The following NIPBL variants were observed in gnomAD, a reference collection of about 807,000 sequenced individuals.
The protein encoded by NIPBL is nipped-B-like protein.
A neutral mutation model predicts 321.8 loss-of-function variants in NIPBL; 19 were observed. That is an observed-to-expected ratio of 0.06 (90% confidence interval 0.04 to 0.09). The LOEUF (loss-of-function observed/expected upper bound fraction) is 0.09, where lower values mean the gene tolerates loss of function less well. Among genes scored for constraint, NIPBL ranks in the 10% least tolerant of loss-of-function variants. The pLI, the probability that NIPBL is intolerant of heterozygous loss-of-function variation, is 1.00. For missense variants in NIPBL, 2,210 were observed against 3,327.0 expected, an observed-to-expected ratio of 0.66 and a Z score of 8.26; for synonymous variants, 1,106 against 1,114.1, an observed-to-expected ratio of 0.99 and a Z score of 0.14.
chr5:37,004,226 G>A (rs1747155563), intron 16 of NIPBL, among the ~76,000 whole-genome samples: 1 of 152,108 alleles, frequency 6.6e-6, no homozygotes, highest in South Asian at 2.1e-4. Context: ...GCTTGCAATG[G>A]TTTATTAATT....
At chr5:37,046,726 G>A (rs376571664) in intron 38 of NIPBL, among the ~76,000 whole-genome samples, 16 of 152,246 alleles carry the variant, frequency 1.1e-4, no homozygotes, top group Middle Eastern at 3.4e-3. Context: ...AAGGATTGAT[G>A]TAATAAAAAC....
At chr5:37,062,709 C>T (rs1754871790) in intron 45 of NIPBL, among the ~76,000 whole-genome samples, 1 of 152,104 alleles carries the variant, frequency 6.6e-6, no homozygotes, top group African/African-American at 2.4e-5. Context: ...TGCTTGAGTC[C>T]AGGAAGTCCA....
At chr5:37,061,916 A>G (rs1754723567) in intron 45 of NIPBL, among the ~76,000 whole-genome samples, 2 of 152,186 alleles carry the variant, frequency 1.3e-5, no homozygotes, top group African/African-American at 4.8e-5. Flanking sequence ...ATCTCGGCTC[A>G]CCGCAACTTC....
rs745325884 is a variant in NIPBL at position 37,017,172 on chromosome 5, TAA to T, written c.4920+13_4920+14del. On this transcript the variant is annotated intron_variant, in intron 24 of 46. Coordinates refer to ENST00000282516, the MANE Select transcript of NIPBL (RefSeq NM_133433.4). ...ACGCATTTTAAAACAGGTACTAAGA[TAA>T]AAGATTAAAATTATGGGAATGAATA... 1.9e-6 allele frequency: 3 copies of T among 1,601,354 alleles called. No homozygotes were observed. In the African/African-American group the frequency reaches 4.0e-5, roughly 21 times the overall value.
At chr5:36,971,837 T>C (rs1742879530) in intron 7 of NIPBL, 108 bp from the exon 8 acceptor site, 2 of 1,510,638 alleles carry the variant, frequency 1.3e-6, no homozygotes, top group Non-Finnish European at 1.8e-6. Flanking sequence ...GCTTTTGAAT[T>C]CCAACACTTT....
chr5:36,886,421 A>T, intron 1 of NIPBL: 1 of 739,190 alleles, frequency 1.4e-6, no homozygotes, highest in Non-Finnish European at 2.5e-6. Flanking sequence ...CAAACTATCC[A>T]AAAGACCACC....
rs751393105 is a variant in NIPBL, at chr5:36,995,815, C to G, written c.3304+11C>G. The G allele has an allele frequency of 1.9e-6, 3 of 1,601,790 alleles. No individual in the cohort carries two copies. The South Asian group carries it at 3.3e-5, about 18-fold the overall frequency. On this transcript the variant is annotated intron_variant, in intron 11 of 46. Transcript: ENST00000282516. ...ATGAAGCTTTTGAATGTAAGTATCACAGAACTCTTTGTTATTATTTTAGAG... is the reference window on the plus strand; with the variant it reads ...ATGAAGCTTTTGAATGTAAGTATCAGAGAACTCTTTGTTATTATTTTAGAG...
chr5:37,044,039 T>C (rs184526191), intron 34 of NIPBL, among the ~76,000 whole-genome samples: 2 of 152,330 alleles, frequency 1.3e-5, no homozygotes, highest in East Asian at 3.9e-4. Flanking sequence ...GTACCAGTCT[T>C]TGTATAATGC....
Position 37,064,855 on chromosome 5 carries a change from G to A in NIPBL, c.8378G>A (p.Arg2793Gln), listed in dbSNP as rs1375623038. The A allele has an allele frequency of 1.2e-6, 2 of 1,614,104 alleles. No homozygotes were observed. The highest frequency in any genetic ancestry group is 1.1e-5 in the South Asian group (1 of 91,082). ...ACTAATAAAGTTGTTCAGACTTTAC[G>A]ATCCCTGTATGCCGCCAAGGATGGG... ...KLTNKVVQTL[R>Q]SLYAAKDGTS... Residue 2793 changes from arginine (R) to glutamine (Q), a missense_variant, in exon 47 of 47, where the codon CGA becomes CAA. Physicochemically the swap from Arg to Gln is conservative, Grantham distance 43 (BLOSUM62 1). Around this residue, in one of 14 missense-constraint regions of NIPBL, gnomAD observed 159 missense variants for 319.2 expected, o/e 0.50. Transcript: ENST00000282516.
chr5:36,929,651 C>T (rs1403638730), intron 1 of NIPBL, among the ~76,000 whole-genome samples: 1 of 152,018 alleles, frequency 6.6e-6, no homozygotes, highest in Non-Finnish European at 1.5e-5. Flanking sequence ...AGAACTCTGC[C>T]TGACCTAAGG....
intron 36 of NIPBL, 78 bp downstream of exon 36, chr5:37,044,807 A>C: frequency 9.9e-7 from 1 of 1,006,026 alleles, no homozygotes; most frequent in South Asian, 1.3e-5. Flanking sequence ...ACATTTGATA[A>C]AAGGCTAGAC....
intron 32 of NIPBL, among the ~76,000 whole-genome samples, chr5:37,031,083 A>G (rs1750961229): frequency 6.6e-6 from 1 of 152,062 alleles, no homozygotes; most frequent in Non-Finnish European, 1.5e-5. Context: ...TCCTGGGTTC[A>G]AGTGATTCTC....
chr5:37,053,795 A>T (rs150722587), intron 42 of NIPBL, among the ~76,000 whole-genome samples: 1 of 152,246 alleles, frequency 6.6e-6, no homozygotes, highest in Admixed American at 6.5e-5. Flanking sequence ...TGCATCTGCT[A>T]TGTACCAGCC....
intron 45 of NIPBL, among the ~76,000 whole-genome samples, 188 bp downstream of exon 45, chr5:37,061,206 A>G (rs1754629541): frequency 1.3e-5 from 2 of 152,166 alleles, no homozygotes; most frequent in South Asian, 4.1e-4. Context: ...CACCCATGGC[A>G]TCCTAATTAT....
At chr5:36,941,152 G>T (rs1052903581) in intron 1 of NIPBL, among the ~76,000 whole-genome samples, 4 of 152,012 alleles carry the variant, frequency 2.6e-5, no homozygotes, top group Admixed American at 2.0e-4. Flanking sequence ...ATCTCCCAGG[G>T]ATAAGAAAAC....
intron 42 of NIPBL, among the ~76,000 whole-genome samples, chr5:37,053,550 T>TTC (rs374356540): frequency 1.3e-5 from 2 of 152,236 alleles, no homozygotes; most frequent in East Asian, 3.9e-4. Flanking sequence ...GATCTTGCTT[T>TTC]TCTCTCTCTC....
At chr5:36,949,306 T>A (rs1454780638) in intron 1 of NIPBL, among the ~76,000 whole-genome samples, 1 of 151,918 alleles carries the variant, frequency 6.6e-6, no homozygotes, top group African/African-American at 2.4e-5. Context: ...TAGTAATCTC[T>A]CATGGATGTA....
chr5:37,008,661 G>C lies in NIPBL; in HGVS notation c.4359G>C (p.Leu1453Phe). 6.3e-7 allele frequency: 1 copy of C among 1,599,024 alleles called. No individual in the cohort carries two copies. Among genetic ancestry groups the C allele is most frequent in the Non-Finnish European group, 8.6e-7 (1 of 1,166,548 alleles). ...SRYEKHRQLI[L>F]EEIFTSLARL... ...ATGAAAAACATAGGCAGTTAATTTTGGAAGAAATTTTTACTTCACTTGCAA... is the reference window on the plus strand; with the variant it reads ...ATGAAAAACATAGGCAGTTAATTTTCGAAGAAATTTTTACTTCACTTGCAA... The change falls in exon 20 of 47, where the codon TTG (leucine) becomes TTC (phenylalanine). Residue 1453 changes from leucine (L) to phenylalanine (F), a missense_variant. Leu to Phe is a conservative substitution (Grantham distance 22). Coordinates refer to ENST00000282516, the MANE Select transcript of NIPBL (RefSeq NM_133433.4).
rs537126744 is a variant in NIPBL, at chr5:36,996,868, C to T, written c.3304+1064C>T. Reference sequence around the variant, plus strand: ...GTATATTGCTGATGGAAGCCCTTCACCTCCTCCAAAGTTTTTAATGTTAAT... The same window carrying T: ...GTATATTGCTGATGGAAGCCCTTCATCTCCTCCAAAGTTTTTAATGTTAAT... On this transcript the variant is annotated intron_variant, in intron 11 of 46. Coordinates refer to ENST00000282516, the MANE Select transcript of NIPBL (RefSeq NM_133433.4). The surrounding 1 kb of genome is among the most constrained non-coding windows in gnomAD (Gnocchi z 5.0). 1 of 162,522 alleles carries T rather than the reference C, an allele frequency of 6.2e-6. No individual in the cohort carries two copies. Among genetic ancestry groups the T allele is most frequent in the African/African-American group, 2.4e-5 (1 of 41,498 alleles). The allele number at this position is 162,522 out of a possible 1,614,324, so 10.1% of individuals were successfully genotyped here. A position where few individuals can be genotyped will look rare whatever the true frequency, so the allele number is the denominator to read the frequency against.
Sources: allele counts gnomAD v4.1 joint callset (sites outside exome capture counted in the v4.1 genomes callset), GRCh38; gene constraint gnomAD v4.1.1; regional missense constraint gnomAD v4.1.1; non-coding constraint Gnocchi (gnomAD v3.1); transcripts MANE v1.5; gene names NCBI Gene and HGNC (gene_info 2026-07-23, HGNC 2026-07-21).